The following ANAPC4 variants were observed in gnomAD, a reference collection of about 807,000 sequenced individuals.
The protein encoded by ANAPC4 is anaphase-promoting complex subunit 4.
In ANAPC4, 63 loss-of-function variants were observed where a neutral mutation model predicts 119.8. The observed-to-expected ratio is 0.53, with a 90% CI of 0.43 to 0.65. The LOEUF is 0.65. ANAPC4 is among the 30% of genes least tolerant of loss of function. The pLI is 0.00. For synonymous variants in ANAPC4, 283 were observed against 318.6 expected (o/e 0.89, Z 1.19); for missense variants, 716 against 945.1 (o/e 0.76, Z 3.18).
At chr4:25,377,374 G>T in intron 1 of ANAPC4, 30 bp downstream of exon 1, 2 of 1,603,438 alleles carry the variant, frequency 1.2e-6, no homozygotes, top group Non-Finnish European at 1.7e-6. Context: ...TCCTCGTGGA[G>T]AGCCGGGGGC....
At chr4:25,383,422 G>A (rs1030385877) in intron 4 of ANAPC4, 29 bp downstream of exon 4, 13 of 1,517,208 alleles carry the variant, frequency 8.6e-6, no homozygotes, top group African/African-American at 1.4e-5. Context: ...GTAGTCATAG[G>A]GTATTCATGA....
At chr4:25,410,232 C>CAGA (rs1457737758) in intron 21 of ANAPC4, among the ~76,000 whole-genome samples, 2 of 152,048 alleles carry the variant, frequency 1.3e-5, no homozygotes, top group African/African-American at 4.8e-5. Context: ...TCTAGAATGT[C>CAGA]AGAATGTTAA....
intron 3 of ANAPC4, 62 bp downstream of exon 3, chr4:25,380,541 C>G: frequency 2.4e-6 from 3 of 1,225,710 alleles, no homozygotes; most frequent in Non-Finnish European, 3.4e-6. Flanking sequence ...CTGTAAAGCC[C>G]ATTTTCAGAA....
intron 12 of ANAPC4, 148 bp downstream of exon 12, chr4:25,394,522 G>A (rs1158866911): frequency 2.0e-6 from 2 of 1,010,104 alleles, no homozygotes; most frequent in Non-Finnish European, 2.8e-6. Context: ...ATACTTACGG[G>A]GTATATGTGA....
intron 16 of ANAPC4, among the ~76,000 whole-genome samples, chr4:25,400,043 A>G (rs769684530): frequency 1.6e-4 from 25 of 152,238 alleles, no homozygotes; most frequent in Non-Finnish European, 2.9e-4. Flanking sequence ...TGACCTTGAT[A>G]AGAGCCACCT....
intron 2 of ANAPC4, 67 bp downstream of exon 2, chr4:25,377,623 C>A: frequency 6.7e-7 from 1 of 1,488,180 alleles, no homozygotes; most frequent in Non-Finnish European, 8.9e-7. Context: ...ACACCGAGCC[C>A]GAGCCTGTTC....
In ANAPC4 at chr4:25,414,348, C is replaced by G. The variant is rs1379284529; in HGVS notation, c.1648C>G (p.Gln550Glu). ...GGATGTAATTGGAAAATCGATGAAT[C>G]AAGCAATCTGTATTCCATTGTATAG... ...PADVIGKSMNQAICIPLYRDT... is the reference protein window; with the variant it reads ...PADVIGKSMNEAICIPLYRDT... The change falls in exon 23 of 29, where the codon CAA (glutamine) becomes GAA (glutamate). Residue 550 changes from glutamine to glutamate, a missense_variant. This residue lies in a region of ANAPC4 where 504 missense variants were observed against 615.8 expected (regional missense o/e 0.82). Coordinates refer to ENST00000315368, the MANE Select transcript of ANAPC4 (RefSeq NM_013367.3). The G allele has an allele frequency of 4.4e-6, 7 of 1,598,244 alleles. No homozygotes were observed. The East Asian group carries it at 1.3e-4, about 31-fold the overall frequency.
chr4:25,390,125 T>A lies in ANAPC4; in HGVS notation c.516-11T>A. The A allele has an allele frequency of 6.3e-7, 1 of 1,597,240 alleles. No homozygotes were observed. Among genetic ancestry groups the A allele is most frequent in the Non-Finnish European group, 8.6e-7 (1 of 1,166,746 alleles). On this transcript the variant is annotated splice_polypyrimidine_tract_variant and intron_variant, in intron 7 of 28. Coordinates refer to ENST00000315368, the MANE Select transcript of ANAPC4 (RefSeq NM_013367.3). Reference sequence around the variant, plus strand: ...GATTGGTTCTCAGCTTGTTGCATTGTTTTTAATTAGGCTTAATATTCTCGT... The same window carrying A: ...GATTGGTTCTCAGCTTGTTGCATTGATTTTAATTAGGCTTAATATTCTCGT...
intron 9 of ANAPC4, 129 bp downstream of exon 9, chr4:25,391,144 C>T: frequency 1.6e-6 from 1 of 639,276 alleles, no homozygotes; most frequent in Non-Finnish European, 2.7e-6. Context: ...CTTGGAATTT[C>T]TACATCCTAA....
intron 25 of ANAPC4, 84 bp from the exon 26 acceptor site, chr4:25,415,382 C>A (rs1723801937): frequency 4.8e-6 from 5 of 1,046,640 alleles, no homozygotes; most frequent in South Asian, 1.5e-5. Context: ...CTGACCCTGA[C>A]AATCATGTTC....
intron 2 of ANAPC4, 42 bp downstream of exon 2, chr4:25,377,598 C>A (rs1326692253): frequency 6.5e-7 from 1 of 1,539,758 alleles, no homozygotes. Flanking sequence ...GGGTCTGCTC[C>A]CGGGGGGCCC....
At position 25,413,728 on chromosome 4, in the gene ANAPC4, T is replaced by A; in HGVS notation, c.1609T>A (p.Leu537Met). The change falls in exon 22 of 29, where the codon TTG (leucine) becomes ATG (methionine). Residue 537 changes from leucine (L) to methionine (M), a missense_variant. By Grantham distance (15) the Leu-to-Met change is conservative. Transcript: ENST00000315368. ...GATGGAGAATATTATTGATCAGTGT[T>A]TGCAAAAGCCAGCAGTAAGTTTGAA... The part of the protein sequence containing the change: ...RRMENIIDQC[L>M]QKPADVIGKS... The A allele has an allele frequency of 6.2e-7, 1 of 1,612,560 alleles. No homozygotes were observed. The highest frequency in any genetic ancestry group is 8.5e-7 in the Non-Finnish European group (1 of 1,179,218).
intron 10 of ANAPC4, among the ~76,000 whole-genome samples, chr4:25,393,032 A>G (rs187448114): frequency 2.6e-5 from 4 of 152,326 alleles, no homozygotes; most frequent in Admixed American, 2.0e-4. Context: ...CCGTTAGTCA[A>G]AGCGAGACTC....
intron 21 of ANAPC4, among the ~76,000 whole-genome samples, chr4:25,411,934 A>C (rs1723588572): frequency 6.6e-6 from 1 of 152,174 alleles, no homozygotes; most frequent in Non-Finnish European, 1.5e-5. Flanking sequence ...CAGACCTCAC[A>C]GGATAAGGAT....
Position 25,392,338 on chromosome 4 carries a change from C to G in ANAPC4, c.706C>G (p.Leu236Val). The G allele has an allele frequency of 6.8e-6, 11 of 1,609,182 alleles. No homozygotes were observed. The highest frequency in any genetic ancestry group is 9.4e-6 in the Non-Finnish European group (11 of 1,175,924). ...TCACTTTACTCTTTTGATTTTACAG[C>G]TTGAAACTAATCTGTTGTACTCTTT... ...NGASEVSYFQLETNLLYSFLP... is the reference protein window; with the variant it reads ...NGASEVSYFQVETNLLYSFLP... The change falls in exon 10 of 29, where the codon CTT (leucine) becomes GTT (valine). Residue 236 changes from leucine (L) to valine (V), a missense_variant and splice_region_variant. By Grantham distance (32) the Leu-to-Val change is conservative. Around this residue, in one of 3 missense-constraint regions of ANAPC4, gnomAD observed 202 missense variants for 293.5 expected, o/e 0.69. Transcript: ENST00000315368.
At chr4:25,415,351 T>A in intron 25 of ANAPC4, 115 bp from the exon 26 acceptor site, 1 of 680,636 alleles carries the variant, frequency 1.5e-6, no homozygotes, top group Non-Finnish European at 2.4e-6. Flanking sequence ...AAGTTCTCAG[T>A]GTTCTAAAGA....
At chr4:25,380,335 A>G (rs1375640934) in intron 2 of ANAPC4, 39 bp from the exon 3 acceptor site, 1 of 1,515,988 alleles carries the variant, frequency 6.6e-7, no homozygotes, top group Non-Finnish European at 9.0e-7. Flanking sequence ...TTTGGAAATG[A>G]ATTTTTAATT....
chr4:25,391,664 G>C (rs548540173), intron 9 of ANAPC4, among the ~76,000 whole-genome samples: 1 of 152,312 alleles, frequency 6.6e-6, no homozygotes, highest in African/African-American at 2.4e-5. Context: ...GCCTTGCCAA[G>C]AAATCGAAAA....
rs1187299443 is a variant in ANAPC4, at chr4:25,383,267, C to T, written c.242C>T (p.Ala81Val). 2.5e-6 allele frequency: 4 copies of T among 1,593,602 alleles called. No homozygotes were observed. The African/African-American group carries it at 5.4e-5, about 22-fold the overall frequency. The change falls in exon 4 of 29, where the codon GCC becomes GTC. Residue 81 changes from alanine (A) to valine (V), a missense_variant. By Grantham distance (64) the Ala-to-Val change is moderately conservative. This residue lies in a region of ANAPC4 where 202 missense variants were observed against 293.5 expected (regional missense o/e 0.69). Transcript: ENST00000315368. Reference sequence around the variant, plus strand: ...TTGTTTTTTCTTGTTTTAGTTTTGGCCTTTGCTCTTGCTGATACCAAGAAA... The same window carrying T: ...TTGTTTTTTCTTGTTTTAGTTTTGGTCTTTGCTCTTGCTGATACCAAGAAA... The part of the protein sequence containing the change: ...LAWRPDGKLL[A>V]FALADTKKIV...
Sources: allele counts gnomAD v4.1 joint callset (sites outside exome capture counted in the v4.1 genomes callset), GRCh38; gene constraint gnomAD v4.1.1; regional missense constraint gnomAD v4.1.1; transcripts MANE v1.5; gene names NCBI Gene and HGNC (gene_info 2026-07-23, HGNC 2026-07-21).